SPAG16: variants seen among roughly 807,000 people sequenced by gnomAD.
SPAG16 encodes sperm associated antigen 16.
SPAG16 carries 86 observed loss-of-function variants against 80.4 expected under a neutral mutation model. The observed-to-expected ratio is 1.07, with a 90% CI of 0.90 to 1.28. The LOEUF is 1.28. Ranked by LOEUF, SPAG16 falls within the 50% of genes most tolerant of loss-of-function variation. SPAG16 has a pLI of 0.00. For synonymous variants in SPAG16, 294 were observed against 265.9 expected, an observed-to-expected ratio of 1.11 and a Z score of -1.03; for missense variants, 870 against 765.3, an observed-to-expected ratio of 1.14 and a Z score of -1.61.
intron 15 of SPAG16, among the ~76,000 whole-genome samples, chr2:214,255,344 G>A (rs1170890758): frequency 9.9e-5 from 15 of 151,908 alleles, no homozygotes; most frequent in African/African-American, 2.7e-4. Flanking sequence ...CTCTGGCCCT[G>A]GGATTTTTCT....
intron 15 of SPAG16, among the ~76,000 whole-genome samples, chr2:214,405,495 A>C (rs1487944614): frequency 6.6e-6 from 1 of 152,188 alleles, no homozygotes; most frequent in South Asian, 2.1e-4. Context: ...TAAAGTTTTC[A>C]ATTCAAATCC....
chr2:213,669,558 T>A (rs531849705), intron 10 of SPAG16, among the ~76,000 whole-genome samples: 25 of 152,348 alleles, frequency 1.6e-4, no homozygotes, highest in African/African-American at 6.0e-4. Flanking sequence ...AAGCCTTTTT[T>A]AAAAATTATA....
chr2:213,627,561 C>A (rs1418122008), intron 10 of SPAG16, among the ~76,000 whole-genome samples: 1 of 152,150 alleles, frequency 6.6e-6, no homozygotes, highest in Non-Finnish European at 1.5e-5. Flanking sequence ...CCTATTTTAG[C>A]AATTTCAATG....
At chr2:213,775,814 T>C (rs115704267) in intron 10 of SPAG16, among the ~76,000 whole-genome samples, 145 of 152,326 alleles carry the variant, frequency 9.5e-4, no homozygotes, top group African/African-American at 3.3e-3. Flanking sequence ...TCCTTTACCT[T>C]AGATTTATTA....
intron 15 of SPAG16, among the ~76,000 whole-genome samples, chr2:214,205,985 G>A (rs915446444): frequency 2.0e-4 from 30 of 151,988 alleles, no homozygotes; most frequent in Admixed American, 6.6e-4. Context: ...ACGAGGTCAG[G>A]AGATCCAGAA....
intron 13 of SPAG16, among the ~76,000 whole-genome samples, chr2:214,096,422 A>T (rs1195359251): frequency 6.6e-6 from 1 of 152,098 alleles, no homozygotes; most frequent in Non-Finnish European, 1.5e-5. Context: ...ATCAAAAGGA[A>T]TCCCCAGAGG....
chr2:213,432,032 T>A (rs1028221479), intron 9 of SPAG16, among the ~76,000 whole-genome samples: 1 of 152,080 alleles, frequency 6.6e-6, no homozygotes, highest in Non-Finnish European at 1.5e-5. Context: ...AATTAATAAT[T>A]TTTTTGAAAT....
intron 10 of SPAG16, among the ~76,000 whole-genome samples, chr2:213,645,041 G>C (rs917556562): frequency 2.6e-5 from 4 of 152,176 alleles, no homozygotes; most frequent in Non-Finnish European, 5.9e-5. Context: ...ATTGTATTCG[G>C]CTGAGCTAGC....
intron 9 of SPAG16, among the ~76,000 whole-genome samples, chr2:213,384,361 A>C (rs953449703): frequency 6.6e-6 from 1 of 152,162 alleles, no homozygotes; most frequent in African/African-American, 2.4e-5. Context: ...CTTGTTTGGA[A>C]TCTGTTAAAT....
rs531989938 is a variant in SPAG16 at position 213,940,489 on chromosome 2, C to T, written c.1400+10344C>T. ...ATTTTTATTTTTTAGGAATAGCGTTCTCCTTATGTTGCCCAAGCTGGTGTC... is the reference window on the plus strand; with the variant it reads ...ATTTTTATTTTTTAGGAATAGCGTTTTCCTTATGTTGCCCAAGCTGGTGTC... On this transcript the variant is annotated intron_variant, in intron 12 of 15. Transcript: ENST00000331683. Among the ~76,000 whole-genome samples the T allele has an allele frequency of 1.3e-3, 205 of 152,124 alleles. 1 individual carries two copies. Among genetic ancestry groups the T allele is most frequent in the African/African-American group, 4.8e-3 (199 of 41,508 alleles).
At chr2:213,658,031 T>G (rs1168097363) in intron 10 of SPAG16, among the ~76,000 whole-genome samples, 1 of 152,206 alleles carries the variant, frequency 6.6e-6, no homozygotes, top group East Asian at 1.9e-4. Flanking sequence ...CTTAAATTTT[T>G]GATTTCACAG....
intron 10 of SPAG16, among the ~76,000 whole-genome samples, chr2:213,608,679 G>T (rs1249501615): frequency 6.6e-6 from 1 of 152,206 alleles, no homozygotes; most frequent in Non-Finnish European, 1.5e-5. Context: ...AATCCTTTGG[G>T]TATATACCCA....
chr2:213,762,314 C>T (rs2068708647), intron 10 of SPAG16, among the ~76,000 whole-genome samples: 1 of 152,040 alleles, frequency 6.6e-6, no homozygotes, highest in Admixed American at 6.6e-5. Flanking sequence ...ACATTATGAA[C>T]ACATTTAATA....
At chr2:213,349,640 A>C (rs2065213604) in intron 6 of SPAG16, among the ~76,000 whole-genome samples, 2 of 152,150 alleles carry the variant, frequency 1.3e-5, no homozygotes, top group Non-Finnish European at 2.9e-5. Flanking sequence ...ACTAAAATCC[A>C]CTCAAGTTTT....
intron 12 of SPAG16, among the ~76,000 whole-genome samples, chr2:213,957,424 A>T (rs1036760528): frequency 6.6e-6 from 1 of 151,296 alleles, no homozygotes; most frequent in Middle Eastern, 3.2e-3. Flanking sequence ...CTGCTGGTAT[A>T]GCCATCGTTG....
intron 10 of SPAG16, among the ~76,000 whole-genome samples, chr2:213,643,192 G>A (rs534663475): frequency 6.6e-6 from 1 of 150,734 alleles, no homozygotes; most frequent in African/African-American, 2.4e-5. Flanking sequence ...TGTTTAAAGA[G>A]TATTTTCACT....
At chr2:213,348,153 C>G (rs901578499) in intron 6 of SPAG16, among the ~76,000 whole-genome samples, 7 of 152,120 alleles carry the variant, frequency 4.6e-5, no homozygotes, top group Admixed American at 4.6e-4. Flanking sequence ...TTCTTTGTCT[C>G]TTCTGATCTT....
chr2:213,526,435 A>T (rs2075888870), intron 10 of SPAG16, among the ~76,000 whole-genome samples: 1 of 152,114 alleles, frequency 6.6e-6, no homozygotes, highest in Admixed American at 6.6e-5. Context: ...AAGATGTGTA[A>T]AACTTATTTT....
chr2:213,662,013 T>C lies in SPAG16; in HGVS notation c.1070+171923T>C, dbSNP rs1170392120. On this transcript the variant is annotated intron_variant, in intron 10 of 15. Coordinates refer to ENST00000331683, the MANE Select transcript of SPAG16 (RefSeq NM_024532.5). Reference sequence around the variant, plus strand: ...CCAGGATTTCTAAAATATATTTCTATCTTTTCCTTAGCAGCTATTTTCACC... The same window carrying C: ...CCAGGATTTCTAAAATATATTTCTACCTTTTCCTTAGCAGCTATTTTCACC... 1.3e-5 allele frequency among the ~76,000 whole-genome samples: 2 copies of C among 152,226 alleles called. 1 individual carries two copies. Among genetic ancestry groups the C allele is most frequent in the Non-Finnish European group, 2.9e-5 (2 of 68,034 alleles).
Sources: allele counts gnomAD v4.1 joint callset (sites outside exome capture counted in the v4.1 genomes callset), GRCh38; gene constraint gnomAD v4.1.1; transcripts MANE v1.5; gene names NCBI Gene and HGNC (gene_info 2026-07-23, HGNC 2026-07-21).